Variants in CD99L2 observed in about 807,000 individuals in gnomAD.
The protein encoded by CD99L2 is CD99 molecule like 2, also known as CD99 antigen-like protein 2.
In CD99L2, 24 loss-of-function variants were observed where a neutral mutation model predicts 27.3. The observed-to-expected ratio is 0.88, with a 90% CI of 0.64 to 1.24. The LOEUF is 1.24. Ranked by LOEUF, CD99L2 falls within the 50% of genes most tolerant of loss-of-function variation. The probability of loss-of-function intolerance (pLI) is 0.00; values close to 1 mark genes in which losing one functional copy is unlikely to be tolerated. For missense variants in CD99L2, 255 were observed against 221.6 expected, an observed-to-expected ratio of 1.15 and a Z score of -0.96; for synonymous variants, 97 against 87.9, an observed-to-expected ratio of 1.10 and a Z score of -0.58.
chrX:150,890,985 T>A (rs2047503933), intron 1 of CD99L2, among the ~76,000 whole-genome samples: 1 of 112,935 alleles, frequency 8.9e-6, no homozygotes, highest in African/African-American at 3.2e-5. Context: ...GGCCCTCAGA[T>A]ATGCTTCTAA....
At chrX:150,779,818 A>ATT (rs782361557) in intron 7 of CD99L2, among the ~76,000 whole-genome samples, 13 of 112,431 alleles carry the variant, frequency 1.2e-4, no homozygotes, top group African/African-American at 3.6e-4. Flanking sequence ...CTTTCTAAAT[A>ATT]TGATCCTAAA....
chrX:150,780,142 C>A (rs1232515355), intron 7 of CD99L2, among the ~76,000 whole-genome samples: 1 of 111,659 alleles, frequency 9.0e-6, no homozygotes, highest in Non-Finnish European at 1.9e-5. Context: ...ATACAAATGG[C>A]CAATAAACAC....
chrX:150,824,383 A>C (rs946532327), intron 2 of CD99L2, among the ~76,000 whole-genome samples: 1 of 71,271 alleles, frequency 1.4e-5, no homozygotes, highest in African/African-American at 4.9e-5. Flanking sequence ...AGAAGAAGAA[A>C]GAAGAAGAAG....
At chrX:150,834,236 G>A (rs781830607) in intron 1 of CD99L2, among the ~76,000 whole-genome samples, 2 of 112,108 alleles carry the variant, frequency 1.8e-5, no homozygotes, top group Non-Finnish European at 3.8e-5. Context: ...GCTCATGCTT[G>A]TAATCCCAGC....
In CD99L2 at chrX:150,862,836, AAG is replaced by A. The variant is rs368518966; in HGVS notation, c.68-31545_68-31544del. ...CGAAAGAAAGAAGGAAAGAAAGAGAAAGAGAGAGAGAGAGAGAGACAGAGAGA... is the reference window on the plus strand; with the variant it reads ...CGAAAGAAAGAAGGAAAGAAAGAGAAAGAGAGAGAGAGAGAGACAGAGAGA... On this transcript the variant is annotated intron_variant, in intron 1 of 10. Transcript: ENST00000370377. 5.6e-3 allele frequency among the ~76,000 whole-genome samples: 588 copies of A among 105,905 alleles called. 7 individuals carry two copies. The highest frequency in any genetic ancestry group is 0.014 in the Middle Eastern group (3 of 211). 92.0% of individuals were successfully genotyped at this position (105,905 alleles called of 115,157 possible).
chrX:150,791,148 C>G (rs2045681146), intron 7 of CD99L2, among the ~76,000 whole-genome samples: 1 of 111,957 alleles, frequency 8.9e-6, no homozygotes, highest in Non-Finnish European at 1.9e-5. Context: ...GCCTCTAGAA[C>G]TGTGAGAAAC....
At chrX:150,776,336 G>C (rs1557419260) in intron 8 of CD99L2, 43 bp from the exon 9 acceptor site, 2 of 1,157,707 alleles carry the variant, frequency 1.7e-6, no homozygotes, top group Admixed American at 5.2e-5. Flanking sequence ...TGAGGTCAGA[G>C]ACAAAGCACC....
chrX:150,829,015 A>C (rs1272706310), intron 2 of CD99L2: 2 of 111,172 alleles, frequency 1.8e-5, no homozygotes, highest in East Asian at 5.7e-4. Context: ...AATCCACACT[A>C]CTGGAACGCT....
intron 2 of CD99L2, among the ~76,000 whole-genome samples, chrX:150,826,377 G>T (rs2046367783): frequency 8.9e-6 from 1 of 111,990 alleles, no homozygotes; most frequent in Non-Finnish European, 1.9e-5. Context: ...GTTCCCCCAT[G>T]AGATGATTAC....
intron 1 of CD99L2, among the ~76,000 whole-genome samples, chrX:150,873,762 T>C (rs1207250189): frequency 1.8e-5 from 2 of 110,619 alleles, no homozygotes; most frequent in Non-Finnish European, 3.8e-5. Flanking sequence ...ACCCAGAGCA[T>C]GAGATGGGGA....
rs2043354441 is a variant in CD99L2 at position 150,768,756 on chromosome X, C to T, written c.*278G>A. 2 of 431,408 alleles carry T rather than the reference C, an allele frequency of 4.6e-6. No individual in the cohort carries two copies. Among genetic ancestry groups the T allele is most frequent in the Non-Finnish European group, 7.0e-6 (2 of 286,766 alleles). 35.6% of individuals were successfully genotyped at this position (431,408 alleles called of 1,213,427 possible). On this transcript the variant is annotated 3_prime_UTR_variant, in exon 11 of 11. Transcript: ENST00000370377. Reference sequence around the variant, plus strand: ...ATCCTGTGCTCAGTAAAGCTGGAGGCAGGCTGGCTTTGGGAGTTGGTGGCT... The same window carrying T: ...ATCCTGTGCTCAGTAAAGCTGGAGGTAGGCTGGCTTTGGGAGTTGGTGGCT...
intron 1 of CD99L2, among the ~76,000 whole-genome samples, chrX:150,867,892 CAAAAAAAAAAAAA>C (rs782516457): frequency 4.4e-3 from 85 of 19,233 alleles, no homozygotes; most frequent in Middle Eastern, 0.071. Flanking sequence ...GACTCTGTCT[CAAAAAAAAAAAAA>C]AAAAAAAAAA....
chrX:150,802,111 A>G lies in CD99L2; in HGVS notation c.278-6625T>C, dbSNP rs142782511. Among the ~76,000 whole-genome samples, 279 of 112,150 alleles carry G rather than the reference A, an allele frequency of 2.5e-3. 3 individuals carry two copies. The highest frequency in any genetic ancestry group is 8.2e-3 in the African/African-American group (252 of 30,866). ...GAACTATATATGTTTCTATTTGCAG[A>G]TGACATGATCATGTACATAGAAAAT... On this transcript the variant is annotated intron_variant, in intron 4 of 10. Transcript: ENST00000370377.
intron 7 of CD99L2, among the ~76,000 whole-genome samples, chrX:150,793,013 C>T (rs782296693): frequency 8.9e-6 from 1 of 111,763 alleles, no homozygotes; most frequent in Non-Finnish European, 1.9e-5. Flanking sequence ...GTAATGGTTA[C>T]TCAAATCTAC....
At chrX:150,840,338 C>T (rs928934587) in intron 1 of CD99L2, among the ~76,000 whole-genome samples, 4 of 111,636 alleles carry the variant, frequency 3.6e-5, no homozygotes, top group Admixed American at 9.5e-5. Context: ...CACACATGCA[C>T]GTGGGGTGGG....
intron 1 of CD99L2, among the ~76,000 whole-genome samples, chrX:150,893,808 C>T (rs1258807327): frequency 2.7e-5 from 3 of 109,842 alleles, no homozygotes; most frequent in East Asian, 5.8e-4. Context: ...CTCTGCCTCC[C>T]GGATTCAAGA....
chrX:150,898,183 T>C (rs890742621), intron 1 of CD99L2, among the ~76,000 whole-genome samples: 63 of 109,119 alleles, frequency 5.8e-4, no homozygotes, highest in African/African-American at 2.0e-3. Context: ...AAATGACTGC[T>C]CTCTTCAAGG....
rs979535179 is a variant in CD99L2, at chrX:150,791,545, C to T, written c.496+2146G>A. 8.1e-5 allele frequency among the ~76,000 whole-genome samples: 9 copies of T among 111,694 alleles called. No individual in the cohort carries two copies. In the South Asian group the frequency reaches 3.4e-3, roughly 42 times the overall value. Reference sequence around the variant, plus strand: ...TACAGAGGCCACACAGGACAGAGGGCTGTGACCATCAGGAAGCCATTGGGA... The same window carrying T: ...TACAGAGGCCACACAGGACAGAGGGTTGTGACCATCAGGAAGCCATTGGGA... On this transcript the variant is annotated intron_variant, in intron 7 of 10. Transcript: ENST00000370377.
intron 1 of CD99L2, among the ~76,000 whole-genome samples, chrX:150,892,126 C>A (rs2047522701): frequency 9.0e-6 from 1 of 110,787 alleles, no homozygotes; most frequent in Admixed American, 9.6e-5. Context: ...GAGGCTGAGG[C>A]AGGAGAATTG....
Sources: allele counts gnomAD v4.1 joint callset (sites outside exome capture counted in the v4.1 genomes callset), GRCh38; gene constraint gnomAD v4.1.1; transcripts MANE v1.5; gene names NCBI Gene and HGNC (gene_info 2026-07-23, HGNC 2026-07-21).